The following SIRPA variants were observed in gnomAD, a reference collection of about 807,000 sequenced individuals.
SIRPA encodes the protein tyrosine-protein phosphatase non-receptor type substrate 1.
A neutral mutation model predicts 50.3 loss-of-function variants in SIRPA; 9 were observed. That is an observed-to-expected ratio of 0.18 (90% CI 0.11 to 0.31). SIRPA has a LOEUF of 0.31. SIRPA is among the 10% of genes least tolerant of loss of function. The pLI is 1.00. For missense variants in SIRPA, 474 were observed against 661.6 expected (o/e 0.72, Z 3.11); for synonymous variants, 265 against 284.1 (o/e 0.93, Z 0.68).
At chr20:1,900,690 G>A (rs901848437) in intron 1 of SIRPA, among the ~76,000 whole-genome samples, 30 of 152,358 alleles carry the variant, frequency 2.0e-4, no homozygotes, top group Admixed American at 1.2e-3. Flanking sequence ...GGAACGCCAA[G>A]CCTCCTGTGG....
Position 1,922,521 on chromosome 20 carries a change from T to A in SIRPA, c.963T>A (p.Ser321=), listed in dbSNP as rs1985725599. The A allele has an allele frequency of 1.2e-6, 2 of 1,614,182 alleles. No individual in the cohort carries two copies. The highest frequency in any genetic ancestry group is 1.3e-5 in the African/African-American group (1 of 75,050). The change falls in exon 4 of 8, where the codon TCT becomes TCA. Residue 321 remains serine, a synonymous_variant. Transcript: ENST00000358771. ...NWMSWLLVNV[S]AHRDDVKLTC... ...TGAGCTGGCTCCTGGTGAATGTATC[T>A]GCCCACAGGGATGATGTGAAGCTCA...
In SIRPA at chr20:1,924,774, A is replaced by T; in HGVS notation, c.1098A>T (p.Gly366=). ...CCATGTGGTCCCTAGAGAACACTGG[A>T]TCTAATGAACGGAACATCTATATTG... The part of the protein sequence containing the change: ...QGSNTAAENT[G]SNERNIYIVV... Residue 366 remains glycine, a synonymous_variant, in exon 5 of 8, where the codon GGA becomes GGT. Coordinates refer to ENST00000358771, the MANE Select transcript of SIRPA (RefSeq NM_001040023.2). This position sits in a 1 kb window ranked among gnomAD's most constrained non-coding sequence, Gnocchi z 4.5. 1 of 1,614,050 alleles carries T rather than the reference A, an allele frequency of 6.2e-7. No homozygotes were observed. Among genetic ancestry groups the T allele is most frequent in the Non-Finnish European group, 8.5e-7 (1 of 1,179,984 alleles).
Position 1,934,681 on chromosome 20 carries a change from G to A in SIRPA, c.1227-34G>A, listed in dbSNP as rs766554061. 22 of 1,609,836 alleles carry A rather than the reference G, an allele frequency of 1.4e-5. No individual in the cohort carries two copies. Among genetic ancestry groups the A allele is most frequent in the Middle Eastern group, 3.3e-4 (2 of 6,076 alleles). ...TTGCATGAGCACTTGAGATAGTGAG[G>A]GTATTTTTATCTGTGTGTCTCTTTC... On this transcript the variant is annotated intron_variant, in intron 6 of 7. Coordinates refer to ENST00000358771, the MANE Select transcript of SIRPA (RefSeq NM_001040023.2). The surrounding 1 kb of genome is among the most constrained non-coding windows in gnomAD (Gnocchi z 4.6).
At position 1,937,180 on chromosome 20, in the gene SIRPA, G is replaced by A. The variant is rs1311460214; in HGVS notation, c.1267-140G>A. ...GGCAAGTAACGTTGGCAAGAGATGA[G>A]GGGAACATGACTTATGGCTGAGCCA... On this transcript the variant is annotated intron_variant, in intron 7 of 7. Transcript: ENST00000358771. This position sits in a 1 kb window ranked among gnomAD's most constrained non-coding sequence, Gnocchi z 8.3. 4.0e-6 allele frequency: 4 copies of A among 1,009,040 alleles called. No individual in the cohort carries two copies. The African/African-American group carries it at 6.4e-5, about 16-fold the overall frequency. The allele number at this position is 1,009,040 out of a possible 1,614,324, so 62.5% of individuals were successfully genotyped here. A position where few individuals can be genotyped will look rare whatever the true frequency, so the allele number is the denominator to read the frequency against.
chr20:1,918,360 C>CT (rs60736526), intron 2 of SIRPA, among the ~76,000 whole-genome samples: 3,572 of 95,652 alleles, frequency 0.037, 118 homozygotes, highest in Non-Finnish European at 0.056. Flanking sequence ...ACCACACCAG[C>CT]TTTTTTTTTT....
At position 1,932,195 on chromosome 20, in the gene SIRPA, CT is replaced by C. The variant is rs1226767969; in HGVS notation, c.1227-2519del. Among the ~76,000 whole-genome samples the C allele has an allele frequency of 6.6e-6, 1 of 152,154 alleles. No individual in the cohort carries two copies. Among genetic ancestry groups the C allele is most frequent in the Non-Finnish European group, 1.5e-5 (1 of 68,030 alleles). ...CTCCCTGTGTGAAGCTCAGTGTCCG[CT>C]GAGGAGACAGGTTACCAGACAAGCT... On this transcript the variant is annotated intron_variant, in intron 6 of 7. Transcript: ENST00000358771. The surrounding 1 kb of genome is among the most constrained non-coding windows in gnomAD (Gnocchi z 6.0).
chr20:1,918,360 C>CTTTTTTTTTTTT (rs60736526), intron 2 of SIRPA, among the ~76,000 whole-genome samples: 53 of 95,666 alleles, frequency 5.5e-4, no homozygotes, highest in Non-Finnish European at 7.1e-4. Context: ...ACCACACCAG[C>CTTTTTTTTTTTT]TTTTTTTTTT....
In SIRPA at chr20:1,919,997, T is replaced by C. The variant is rs77495903; in HGVS notation, c.437-1398T>C. ...CTCCTGATAACAGTCACAGGGGTCA[T>C]TTATTAAGCACCTGCTGCATACCAG... On this transcript the variant is annotated intron_variant, in intron 2 of 7. Transcript: ENST00000358771. Among the ~76,000 whole-genome samples the C allele has an allele frequency of 8.6e-3, 1,303 of 152,278 alleles. 24 individuals carry two copies. The highest frequency in any genetic ancestry group is 0.029 in the African/African-American group (1,219 of 41,554).
chr20:1,924,887 T>C lies in SIRPA; in HGVS notation c.1201+10T>C. On this transcript the variant is annotated intron_variant, in intron 5 of 7. Transcript: ENST00000358771. This position sits in a 1 kb window ranked among gnomAD's most constrained non-coding sequence, Gnocchi z 4.5. ...ATCAGACAGAAGAAAGGTGGGTGCA[T>C]TCCCCTCTTCCTCCCTAAGGGTTTG... is the stretch of plus-strand genomic sequence containing the variant. The C allele has an allele frequency of 6.3e-7, 1 of 1,599,276 alleles. No individual in the cohort carries two copies. Among genetic ancestry groups the C allele is most frequent in the South Asian group, 1.1e-5 (1 of 90,766 alleles).
chr20:1,904,250 C>A (rs965636722), intron 1 of SIRPA, among the ~76,000 whole-genome samples: 3 of 152,220 alleles, frequency 2.0e-5, no homozygotes, highest in African/African-American at 7.2e-5. Flanking sequence ...CAAGAAACCC[C>A]GGAATTTGTA....
At chr20:1,894,993 G>A (rs1265888819), upstream of SIRPA, among the ~76,000 whole-genome samples, 4 of 147,182 alleles carry the variant, frequency 2.7e-5, no homozygotes, top group African/African-American at 9.8e-5. The surrounding 1 kb of genome is among the most constrained non-coding windows in gnomAD (Gnocchi z 4.0). Flanking sequence ...GCGGCTCCGC[G>A]CGGCCGGGCT....
In SIRPA at chr20:1,895,412, C is replaced by G; in HGVS notation, c.-36C>G. On this transcript the variant is annotated 5_prime_UTR_variant, in exon 1 of 8. Transcript: ENST00000358771. ...CTGCTCCCGCCCGAGCGCGCACTCA[C>G]GGCCGCTCTCCCTCCTCGCTCCGCA... 2 of 1,321,164 alleles carry G rather than the reference C, an allele frequency of 1.5e-6. No individual in the cohort carries two copies. Among genetic ancestry groups the G allele is most frequent in the East Asian group, 6.2e-5 (2 of 32,128 alleles). The allele number at this position is 1,321,164 out of a possible 1,614,324, so 81.8% of individuals were successfully genotyped here. A position where few individuals can be genotyped will look rare whatever the true frequency, so the allele number is the denominator to read the frequency against.
rs753839133 is a variant in SIRPA, at chr20:1,922,442, G to A, written c.884G>A (p.Arg295Gln). ...LTWLENGNVSRTETASTVTEN... is the reference protein window; with the variant it reads ...LTWLENGNVSQTETASTVTEN... ...TGGTTGGAGAATGGAAACGTGTCCC[G>A]GACAGAAACGGCCTCAACCGTTACA... Residue 295 changes from arginine (R) to glutamine (Q), a missense_variant, in exon 4 of 8, where the codon CGG becomes CAG. By Grantham distance (43) the Arg-to-Gln change is conservative. Around this residue, in one of 4 missense-constraint regions of SIRPA, gnomAD observed 221 missense variants for 359.9 expected, o/e 0.61. Transcript: ENST00000358771. 1.1e-5 allele frequency: 17 copies of A among 1,614,104 alleles called. No homozygotes were observed. Among genetic ancestry groups the A allele is most frequent in the Middle Eastern group, 1.6e-4 (1 of 6,084 alleles).
rs1387212640 is a variant in SIRPA, at chr20:1,898,540, C to T, written c.79+3014C>T. Among the ~76,000 whole-genome samples, 1 of 152,138 alleles carries T rather than the reference C, an allele frequency of 6.6e-6. No homozygotes were observed. The highest frequency in any genetic ancestry group is 6.5e-5 in the Admixed American group (1 of 15,284). On this transcript the variant is annotated intron_variant, in intron 1 of 7. Coordinates refer to ENST00000358771, the MANE Select transcript of SIRPA (RefSeq NM_001040023.2). The surrounding 1 kb of genome is among the most constrained non-coding windows in gnomAD (Gnocchi z 4.3). ...CCGCAAGACATGGATTGGCTCTTCT[C>T]CCCATTCTGCAGATGCAGAAAATCG...
At chr20:1,899,645 C>T (rs912141032) in intron 1 of SIRPA, among the ~76,000 whole-genome samples, 1 of 152,082 alleles carries the variant, frequency 6.6e-6, no homozygotes, top group Non-Finnish European at 1.5e-5. Flanking sequence ...ACTCATCCTC[C>T]GAGGTTCAAT....
intron 1 of SIRPA, among the ~76,000 whole-genome samples, chr20:1,905,408 TAGG>T (rs1984485514): frequency 1.3e-5 from 2 of 152,158 alleles, no homozygotes; most frequent in Non-Finnish European, 2.9e-5. Context: ...TCCTCATCTG[TAGG>T]AGGGGACAGT....
intron 1 of SIRPA, 69 bp downstream of exon 1, chr20:1,895,595 T>C: frequency 1.7e-6 from 2 of 1,204,566 alleles, no homozygotes; most frequent in Non-Finnish European, 2.2e-6. Context: ...AGACTGGCAC[T>C]GGGACCCCTT....
chr20:1,926,377 A>G (rs1985981968), intron 5 of SIRPA, among the ~76,000 whole-genome samples: 1 of 152,250 alleles, frequency 6.6e-6, no homozygotes, highest in African/African-American at 2.4e-5. Flanking sequence ...CCGATAGTGA[A>G]ATCCTGGCCA....
At chr20:1,895,786 T>A (rs1457958271) in intron 1 of SIRPA, among the ~76,000 whole-genome samples, 1 of 152,182 alleles carries the variant, frequency 6.6e-6, no homozygotes, top group Non-Finnish European at 1.5e-5. Context: ...TGCTGGGCAC[T>A]GAGACAAAAG....
Sources: allele counts gnomAD v4.1 joint callset (sites outside exome capture counted in the v4.1 genomes callset), GRCh38; gene constraint gnomAD v4.1.1; regional missense constraint gnomAD v4.1.1; non-coding constraint Gnocchi (gnomAD v3.1); transcripts MANE v1.5; gene names NCBI Gene and HGNC (gene_info 2026-07-23, HGNC 2026-07-21).